FGGY: variants seen among roughly 807,000 people sequenced by gnomAD.
The protein encoded by FGGY is FGGY carbohydrate kinase domain containing.
FGGY carries 72 observed loss-of-function variants against 71.3 expected under a neutral mutation model. The ratio of observed to expected loss-of-function variants is 1.01; its 90% CI spans 0.84 to 1.23. The LOEUF is 1.23. Among genes scored for constraint, FGGY ranks in the 50% most tolerant of loss-of-function variants. FGGY has a pLI of 0.00. For synonymous variants in FGGY, 251 were observed against 250.3 expected (o/e 1.00, Z -0.02); for missense variants, 668 against 682.3 (o/e 0.98, Z 0.23).
In FGGY at chr1:59,457,519, G is replaced by A. The variant is rs138285138; in HGVS notation, c.670+443G>A. 4.1e-4 allele frequency among the ~76,000 whole-genome samples: 63 copies of A among 152,282 alleles called. 1 individual carries two copies. In the East Asian group the frequency reaches 9.9e-3, roughly 24 times the overall value. On this transcript the variant is annotated intron_variant, in intron 6 of 15. Coordinates refer to ENST00000303721, the MANE Select transcript of FGGY (RefSeq NM_018291.5). ...TCAGCTACTCCGGAGGCTGAGGTGGGGGGATTGCTTGAGCCTGGGAGGCAG... is the reference window on the plus strand; with the variant it reads ...TCAGCTACTCCGGAGGCTGAGGTGGAGGGATTGCTTGAGCCTGGGAGGCAG...
At chr1:59,402,895 T>A (rs1348984240) in intron 5 of FGGY, among the ~76,000 whole-genome samples, 1 of 152,128 alleles carries the variant, frequency 6.6e-6, no homozygotes, top group Non-Finnish European at 1.5e-5. Context: ...CAAGTCTGGG[T>A]GAAGATGCTT....
intron 5 of FGGY, among the ~76,000 whole-genome samples, chr1:59,397,734 C>G (rs1383811887): frequency 1.3e-5 from 2 of 152,012 alleles, no homozygotes; most frequent in Non-Finnish European, 2.9e-5. Flanking sequence ...GGCAGTATAC[C>G]CTGTATTAGT....
chr1:59,343,962 AC>A (rs974508752), intron 3 of FGGY, among the ~76,000 whole-genome samples: 1 of 152,074 alleles, frequency 6.6e-6, no homozygotes, highest in Admixed American at 6.6e-5. Context: ...TTCAACACTC[AC>A]CCACCCACAC....
At chr1:59,498,166 C>T (rs895075317) in intron 6 of FGGY, among the ~76,000 whole-genome samples, 4 of 152,158 alleles carry the variant, frequency 2.6e-5, no homozygotes, top group East Asian at 1.9e-4. Context: ...GTACCAGACA[C>T]TGTACCAAGA....
intron 2 of FGGY, among the ~76,000 whole-genome samples, chr1:59,331,637 G>T (rs1030439275): frequency 6.6e-6 from 1 of 151,990 alleles, no homozygotes; most frequent in Non-Finnish European, 1.5e-5. Flanking sequence ...TCTACACTAT[G>T]TAATTTATTT....
chr1:59,447,086 T>G (rs2071452902), intron 5 of FGGY, among the ~76,000 whole-genome samples: 1 of 152,172 alleles, frequency 6.6e-6, no homozygotes, highest in Non-Finnish European at 1.5e-5. Flanking sequence ...TGATAGAGTC[T>G]GGAGGCTCCT....
At chr1:59,347,587 G>A (rs1354826064) in intron 4 of FGGY, among the ~76,000 whole-genome samples, 4 of 152,060 alleles carry the variant, frequency 2.6e-5, no homozygotes, top group African/African-American at 7.2e-5. Flanking sequence ...ATAGTAGCAT[G>A]GTACTGGTAC....
intron 2 of FGGY, among the ~76,000 whole-genome samples, chr1:59,325,520 T>G (rs2047273677): frequency 6.6e-6 from 1 of 152,198 alleles, no homozygotes; most frequent in Admixed American, 6.5e-5. Flanking sequence ...GCCCACCATC[T>G]TCACCCAGAT....
chr1:59,314,737 C>A (rs1337477347), intron 1 of FGGY, among the ~76,000 whole-genome samples: 1 of 152,180 alleles, frequency 6.6e-6, no homozygotes, highest in Non-Finnish European at 1.5e-5. Context: ...CATTCTTCAG[C>A]TCCTTATTGA....
At chr1:59,467,076 C>G (rs570312393) in intron 6 of FGGY, among the ~76,000 whole-genome samples, 1 of 152,222 alleles carries the variant, frequency 6.6e-6, no homozygotes, top group East Asian at 1.9e-4. Flanking sequence ...GCACTATTCA[C>G]AATAGCAAAG....
chr1:59,729,572 T>C (rs1219327671), intron 14 of FGGY, among the ~76,000 whole-genome samples: 2 of 152,192 alleles, frequency 1.3e-5, no homozygotes, highest in Non-Finnish European at 2.9e-5. Flanking sequence ...ATTCTTCTAT[T>C]GTCCTTATTT....
chr1:59,530,249 C>T (rs1570738997), intron 7 of FGGY, among the ~76,000 whole-genome samples: 2 of 152,074 alleles, frequency 1.3e-5, no homozygotes, highest in Admixed American at 6.6e-5. Context: ...GATTATTCTC[C>T]GGCTGTCACC....
intron 7 of FGGY, among the ~76,000 whole-genome samples, chr1:59,518,740 C>T (rs557233536): frequency 2.6e-5 from 4 of 152,260 alleles, no homozygotes; most frequent in African/African-American, 4.8e-5. Context: ...TTGCCATGAT[C>T]GTAAGTTTCC....
chr1:59,400,777 A>AT (rs2061855470), intron 5 of FGGY, among the ~76,000 whole-genome samples: 1 of 143,868 alleles, frequency 7.0e-6, no homozygotes, highest in African/African-American at 2.4e-5. Context: ...AATTATTTTT[A>AT]TTTTTTATTT....
chr1:59,636,054 GC>G (rs1316867778), intron 10 of FGGY, among the ~76,000 whole-genome samples: 1 of 152,178 alleles, frequency 6.6e-6, no homozygotes, highest in African/African-American at 2.4e-5. Context: ...TAGTTGTTAA[GC>G]CTTTTCCCAG....
At chr1:59,336,740 G>C (rs1441810860) in intron 2 of FGGY, among the ~76,000 whole-genome samples, 1 of 151,758 alleles carries the variant, frequency 6.6e-6, no homozygotes, top group Non-Finnish European at 1.5e-5. Context: ...GAGAACATGC[G>C]GTGTTAGAAA....
intron 5 of FGGY, among the ~76,000 whole-genome samples, chr1:59,445,074 C>T (rs72913782): frequency 0.021 from 3,211 of 152,120 alleles, 127 homozygotes; most frequent in African/African-American, 0.074. Flanking sequence ...CTAAGCTCCA[C>T]GAAGGAAGAG....
intron 13 of FGGY, among the ~76,000 whole-genome samples, chr1:59,672,646 C>T (rs367835209): frequency 9.3e-4 from 141 of 152,290 alleles, no homozygotes; most frequent in African/African-American, 3.3e-3. Context: ...GGAATTTACT[C>T]CCCTGCCCTT....
chr1:59,314,444 T>C (rs2045023694), intron 1 of FGGY, among the ~76,000 whole-genome samples: 1 of 152,218 alleles, frequency 6.6e-6, no homozygotes, highest in Non-Finnish European at 1.5e-5. Flanking sequence ...TTTCTGGTTA[T>C]AAAGGAATTG....
Sources: gnomAD v4.1 joint callset for allele counts (sites outside exome capture counted in the v4.1 genomes callset) on GRCh38, gnomAD v4.1.1 for gene constraint, MANE v1.5 for transcripts, NCBI Gene and HGNC (gene_info 2026-07-23, HGNC 2026-07-21) for gene names.